SCNN1D: variants seen among roughly 807,000 people sequenced by gnomAD.
The protein encoded by SCNN1D is epithelial sodium channel subunit delta.
A neutral mutation model predicts 87.8 loss-of-function variants in SCNN1D; 104 were observed. That is an observed-to-expected ratio of 1.18 (90% CI 1.01 to 1.39). The LOEUF is 1.39. SCNN1D is among the 40% of genes most tolerant of loss of function. The probability of loss-of-function intolerance (pLI) is 0.00; values close to 1 mark genes in which losing one functional copy is unlikely to be tolerated. For missense variants in SCNN1D, 1,324 were observed against 1,093.9 expected, an observed-to-expected ratio of 1.21 and a Z score of -2.97; for synonymous variants, 628 against 481.2, an observed-to-expected ratio of 1.31 and a Z score of -3.99.
intron 12 of SCNN1D, among the ~76,000 whole-genome samples, chr1:1,288,323 TCCGTCCCGTGTCTCTGCC>T (rs1640672340): frequency 7.8e-5 from 4 of 51,444 alleles, no homozygotes; most frequent in Non-Finnish European, 8.4e-5. Context: ...GTGTCCCTGC[TCCGTCCCGTGTCTCTGCC>T]CCGTCCCCCG....
Position 1,282,280 on chromosome 1 carries a change from T to C in SCNN1D, c.316T>C (p.Ser106Pro). ...DSSMAFLSRT[S>P]PVAAASFQSR... Reference sequence around the variant, plus strand: ...CAGCATGGCTTTCCTCTCCAGGACGTCACCGGTGGCAGCTGCTTCCTTCCA... The same window carrying C: ...CAGCATGGCTTTCCTCTCCAGGACGCCACCGGTGGCAGCTGCTTCCTTCCA... The change falls in exon 4 of 18, where the codon TCA becomes CCA. Residue 106 changes from serine (S) to proline (P), a missense_variant. Coordinates refer to ENST00000379116, the MANE Select transcript of SCNN1D (RefSeq NM_001130413.4). 1 of 1,550,046 alleles carries C rather than the reference T, an allele frequency of 6.5e-7. No homozygotes were observed. Among genetic ancestry groups the C allele is most frequent in the Non-Finnish European group, 8.7e-7 (1 of 1,146,690 alleles).
In SCNN1D at chr1:1,280,575, A is replaced by G. The variant is rs1640450298; in HGVS notation, c.-87A>G. The stretch of plus-strand genomic sequence containing the variant: ...ATGAAGCCACCAGGTCACAAGCCTC[A>G]GAGAGAATCAACTATAAATGCTTCT... On this transcript the variant is annotated 5_prime_UTR_variant, in exon 1 of 18. Transcript: ENST00000379116. The G allele has an allele frequency of 1.5e-6, 1 of 678,926 alleles. No homozygotes were observed. Among genetic ancestry groups the G allele is most frequent in the Non-Finnish European group, 2.7e-6 (1 of 367,022 alleles). 42.1% of individuals were successfully genotyped at this position (678,926 alleles called of 1,614,324 possible). A position where few individuals can be genotyped will look rare whatever the true frequency, so the allele number is the denominator to read the frequency against.
chr1:1,287,285 G>T lies in SCNN1D; in HGVS notation c.1296G>T (p.Leu432=). 6.3e-7 allele frequency: 1 copy of T among 1,597,200 alleles called. No homozygotes were observed. The highest frequency in any genetic ancestry group is 1.1e-5 in the South Asian group (1 of 89,632). The change falls in exon 9 of 18, where the codon CTG becomes CTT. Residue 432 remains leucine, a synonymous_variant. Coordinates refer to ENST00000379116, the MANE Select transcript of SCNN1D (RefSeq NM_001130413.4). ...HFVLSCSYDG[L]DCQARQFRTF... ...TCCTCTCCTGCAGTTACGATGGCCT[G>T]GACTGCCAGGCCCGGTGAGTGTGGC... is the stretch of plus-strand genomic sequence containing the variant.
intron 12 of SCNN1D, among the ~76,000 whole-genome samples, chr1:1,288,240 C>CGTGTCCCCGCTCCATTCCCT (rs1557584263): frequency 3.1e-5 from 4 of 127,000 alleles, no homozygotes; most frequent in East Asian, 5.9e-4. Context: ...TGCTCCGTCC[C>CGTGTCCCCGCTCCATTCCCT]GTGTCTCTGC....
In SCNN1D at chr1:1,286,138, G is replaced by A; in HGVS notation, c.771G>A (p.Leu257=). 6.2e-7 allele frequency: 1 copy of A among 1,610,154 alleles called. No homozygotes were observed. The part of the protein sequence containing the change: ...LKTTSWGLLS[L]GALVALCWQL... ...CGACGTCCTGGGGGCTGCTGTCCCT[G>A]GGAGCCCTGGTCGCGCTCTGCTGGC... is the stretch of plus-strand genomic sequence containing the variant. The change falls in exon 7 of 18, where the codon CTG becomes CTA. Residue 257 remains leucine, a synonymous_variant. Coordinates refer to ENST00000379116, the MANE Select transcript of SCNN1D (RefSeq NM_001130413.4).
intron 2 of SCNN1D, 48 bp from the exon 3 acceptor site, chr1:1,281,363 G>A: frequency 9.8e-6 from 15 of 1,531,610 alleles, no homozygotes; most frequent in Non-Finnish European, 1.3e-5. Flanking sequence ...GCAGAGGCAT[G>A]GGCCCAAAGG....
intron 12 of SCNN1D, among the ~76,000 whole-genome samples, chr1:1,288,296 C>CT (rs1302257135): frequency 1.3e-5 from 1 of 78,030 alleles, no homozygotes; most frequent in Non-Finnish European, 2.0e-5. Context: ...TGCTCCGTCC[C>CT]GTGTCTGCTC....
In SCNN1D at chr1:1,285,930, C is replaced by T; in HGVS notation, c.563C>T (p.Ala188Val). 1.3e-6 allele frequency: 2 copies of T among 1,545,084 alleles called. No individual in the cohort carries two copies. Among genetic ancestry groups the T allele is most frequent in the Non-Finnish European group, 1.7e-6 (2 of 1,143,958 alleles). The change falls in exon 7 of 18, where the codon GCA becomes GTA. Residue 188 changes from alanine to valine, a missense_variant. Ala to Val is a moderately conservative substitution (Grantham distance 64). Coordinates refer to ENST00000379116, the MANE Select transcript of SCNN1D (RefSeq NM_001130413.4). ...HNAACKQGQA[A>V]AQTPPRPGPP... ...CTGAGGCCACTCTGCACACAGGCTG[C>T]AGCCCAGACGCCCCCCAGGCCGGGG...
intron 1 of SCNN1D, 86 bp from the exon 2 acceptor site, chr1:1,281,140 A>AC: frequency 1.6e-6 from 2 of 1,255,198 alleles, no homozygotes; most frequent in Non-Finnish European, 2.2e-6. Context: ...TGAGTGGGGG[A>AC]CGCTCACCCC....
At chr1:1,287,050 G>A (rs890412872) in intron 8 of SCNN1D, 59 bp from the exon 9 acceptor site, 233 of 1,577,654 alleles carry the variant, frequency 1.5e-4, no homozygotes, top group Non-Finnish European at 1.8e-4. Flanking sequence ...CTGGTACCTC[G>A]AGTGGGGAGC....
Position 1,287,961 on chromosome 1 carries a change from G to A in SCNN1D, c.1586G>A (p.Ser529Asn). The A allele has an allele frequency of 1.9e-6, 3 of 1,545,580 alleles. No individual in the cohort carries two copies. Among genetic ancestry groups the A allele is most frequent in the Middle Eastern group, 1.7e-4 (1 of 5,946 alleles). The stretch of plus-strand genomic sequence containing the variant: ...CAGGACGAGGTGCACCGGCTCGGGA[G>A]CCCCTACGGCCACTGCACCGCCGGC... ...IREDEVHRLG[S>N]PYGHCTAGGE... The change falls in exon 12 of 18, where the codon AGC becomes AAC. Residue 529 changes from serine to asparagine, a missense_variant. Ser to Asn is a conservative substitution (Grantham distance 46). Transcript: ENST00000379116.
chr1:1,291,366 T>TG lies in SCNN1D; in HGVS notation c.2167dup (p.Val723GlyfsTer43). ...CTGCTCGATGCTTCTGCCCTCACCC[T>TG]GGTGCTAGGCGGCCGCCGGCTCCGC... is the stretch of plus-strand genomic sequence containing the variant. On this transcript the variant is annotated frameshift_variant, in exon 18 of 18. Transcript: ENST00000379116. LOFTEE classifies it low-confidence loss of function (END_TRUNC). 1 of 1,608,798 alleles carries TG rather than the reference T, an allele frequency of 6.2e-7. No homozygotes were observed. Among genetic ancestry groups the TG allele is most frequent in the Non-Finnish European group, 8.5e-7 (1 of 1,178,692 alleles).
At position 1,288,015 on chromosome 1, in the gene SCNN1D, A is replaced by G. The variant is rs746222286; in HGVS notation, c.1640A>G (p.His547Arg). ...GGEGVEVELL[H>R]NTSYTRQACL... is the part of the protein sequence containing the mutation. The stretch of plus-strand genomic sequence containing the variant: ...GAAGGCGTGGAGGTGGAGCTGCTAC[A>G]CAACACCTCCTACACCAGGCAGGTG... The change falls in exon 12 of 18, where the codon CAC (histidine) becomes CGC (arginine). Residue 547 changes from histidine (H) to arginine (R), a missense_variant. Transcript: ENST00000379116. 2.3e-5 allele frequency: 36 copies of G among 1,533,726 alleles called. No homozygotes were observed. Among genetic ancestry groups the G allele is most frequent in the Non-Finnish European group, 3.1e-5 (35 of 1,139,710 alleles).
intron 12 of SCNN1D, 141 bp downstream of exon 12, chr1:1,288,178 A>G (rs895358083): frequency 8.0e-6 from 5 of 626,266 alleles, no homozygotes; most frequent in African/African-American, 5.8e-5. Flanking sequence ...CCCGCACTCC[A>G]TCCCCCGTGT....
rs765127852 is a variant in SCNN1D at position 1,291,097 on chromosome 1, A to G, written c.2009A>G (p.Gln670Arg). Reference sequence around the variant, plus strand: ...CTGGCCAAAATCAACATCGTCTACCAGGAGCTCAACTACCGCTCAGTGGAG... The same window carrying G: ...CTGGCCAAAATCAACATCGTCTACCGGGAGCTCAACTACCGCTCAGTGGAG... ...SSLAKINIVY[Q>R]ELNYRSVEEA... Residue 670 changes from glutamine to arginine, a missense_variant, in exon 17 of 18, where the codon CAG becomes CGG. By Grantham distance (43) the Gln-to-Arg change is conservative (BLOSUM62 1). Transcript: ENST00000379116. The G allele has an allele frequency of 5.0e-6, 8 of 1,611,908 alleles. No individual in the cohort carries two copies. The highest frequency in any genetic ancestry group is 1.3e-5 in the African/African-American group (1 of 74,806).
Position 1,288,001 on chromosome 1 carries a change from G to C in SCNN1D, c.1626G>C (p.Glu542Asp). 6.5e-7 allele frequency: 1 copy of C among 1,547,630 alleles called. No homozygotes were observed. The highest frequency in any genetic ancestry group is 8.7e-7 in the Non-Finnish European group (1 of 1,145,446). The change falls in exon 12 of 18, where the codon GAG (glutamate) becomes GAC (aspartate). Residue 542 changes from glutamate to aspartate, a missense_variant. Transcript: ENST00000379116. ...GHCTAGGEGV[E>D]VELLHNTSYT... ...GCACCGCCGGCGGGGAAGGCGTGGA[G>C]GTGGAGCTGCTACACAACACCTCCT...
Position 1,287,359 on chromosome 1 carries a change from C to G in SCNN1D, c.1310+60C>G, listed in dbSNP as rs2273273. ...CCACCCCACAGAGCGTGGCCGCACC[C>G]CTGGGGTCCCTCTGGCTGTATGCTG... On this transcript the variant is annotated intron_variant, in intron 9 of 17. Transcript: ENST00000379116. The G allele has an allele frequency of 9.9e-3, 14,822 of 1,499,316 alleles. 788 individuals are homozygous for G. The African/African-American group carries it at 0.12, about 12-fold the overall frequency. 92.9% of individuals were successfully genotyped at this position (1,499,316 alleles called of 1,614,324 possible). A position where few individuals can be genotyped will look rare whatever the true frequency, so the allele number is the denominator to read the frequency against.
chr1:1,285,451 C>T (rs1640567845), intron 5 of SCNN1D, 120 bp from the exon 6 acceptor site: 1 of 664,948 alleles, frequency 1.5e-6, no homozygotes, highest in Non-Finnish European at 2.5e-6. Flanking sequence ...CGGTCCTCAG[C>T]AGGCCACACT....
At chr1:1,287,424 A>G (rs1317074258) in intron 9 of SCNN1D, 84 bp from the exon 10 acceptor site, 1 of 1,491,324 alleles carries the variant, frequency 6.7e-7, no homozygotes, top group Non-Finnish European at 9.0e-7. Context: ...TTCCGCAGAC[A>G]CAGGGCAGGC....
Sources: allele counts gnomAD v4.1 joint callset (sites outside exome capture counted in the v4.1 genomes callset), GRCh38; gene constraint gnomAD v4.1.1; transcripts MANE v1.5; gene names NCBI Gene and HGNC (gene_info 2026-07-23, HGNC 2026-07-21).